The following GBE1 variants were observed in gnomAD, a reference collection of about 807,000 sequenced individuals.
The protein encoded by GBE1 is 1,4-alpha-glucan branching enzyme 1.
A neutral mutation model predicts 88.8 loss-of-function variants in GBE1; 70 were observed. The observed-to-expected ratio is 0.79, with a 90% CI of 0.65 to 0.96. GBE1 has a LOEUF of 0.96. GBE1 is among the 40% of genes least tolerant of loss of function. The pLI is 0.00. For synonymous variants in GBE1, 284 were observed against 300.1 expected (o/e 0.95, Z 0.56); for missense variants, 872 against 871.0 (o/e 1.00, Z -0.01).
chr3:81,621,243 T>C (rs1414628380), intron 7 of GBE1, among the ~76,000 whole-genome samples: 1 of 152,188 alleles, frequency 6.6e-6, no homozygotes, highest in Non-Finnish European at 1.5e-5. Context: ...GAATCAACTG[T>C]CTCTCAAGGT....
chr3:81,587,772 G>C (rs537120432), intron 9 of GBE1, among the ~76,000 whole-genome samples: 1 of 152,178 alleles, frequency 6.6e-6, no homozygotes, highest in East Asian at 1.9e-4. Context: ...GGGATTAAAA[G>C]ATAAGACATA....
In GBE1 at chr3:81,493,969, A is replaced by G. The variant is rs76762531; in HGVS notation, c.2053-3506T>C. Among the ~76,000 whole-genome samples the G allele has an allele frequency of 0.016, 2,509 of 152,166 alleles. 44 individuals carry two copies. Among genetic ancestry groups the G allele is most frequent in the East Asian group, 0.062 (320 of 5,182 alleles). ...CTAACTGATGCTGGTCTTTTTATGT[A>G]AGGAGGTTTATAATGACAGTTCCAT... is the stretch of plus-strand genomic sequence containing the variant. On this transcript the variant is annotated intron_variant, in intron 15 of 15. Transcript: ENST00000429644.
intron 14 of GBE1, among the ~76,000 whole-genome samples, chr3:81,505,042 C>A (rs184379345): frequency 5.3e-4 from 81 of 152,182 alleles, no homozygotes; most frequent in African/African-American, 1.8e-3. Flanking sequence ...AAGACATCAC[C>A]CATTTCAAGA....
At chr3:81,552,109 A>G (rs1462408300) in intron 12 of GBE1, among the ~76,000 whole-genome samples, 1 of 152,234 alleles carries the variant, frequency 6.6e-6, no homozygotes, top group East Asian at 1.9e-4. Flanking sequence ...GGCCAAACCC[A>G]TCAATCCTTT....
At chr3:81,523,394 T>G (rs896644923) in intron 14 of GBE1, among the ~76,000 whole-genome samples, 1 of 151,514 alleles carries the variant, frequency 6.6e-6, no homozygotes, top group Non-Finnish European at 1.5e-5. Flanking sequence ...GTTTATGGGG[T>G]ACCTGAGATA....
chr3:81,566,318 T>C (rs543911640), intron 12 of GBE1, among the ~76,000 whole-genome samples: 3 of 152,234 alleles, frequency 2.0e-5, no homozygotes, highest in Admixed American at 6.5e-5. Flanking sequence ...TTCTAGGTAT[T>C]TGTCATAGAC....
At chr3:81,737,343 TTATA>T (rs1441638259) in intron 1 of GBE1, among the ~76,000 whole-genome samples, 630 of 33,612 alleles carry the variant, frequency 0.019, 7 homozygotes, top group Non-Finnish European at 0.033. Context: ...TTATATATAT[TTATA>T]TAAATATATA....
chr3:81,504,466 G>GA (rs999307430), intron 14 of GBE1, among the ~76,000 whole-genome samples: 8 of 139,760 alleles, frequency 5.7e-5, no homozygotes, highest in African/African-American at 1.7e-4. Context: ...TGTTCAACTG[G>GA]AAAAAAATAC....
chr3:81,691,638 G>A (rs1308073366), intron 2 of GBE1, among the ~76,000 whole-genome samples: 2 of 151,942 alleles, frequency 1.3e-5, no homozygotes, highest in Non-Finnish European at 2.9e-5. Flanking sequence ...AATTAGTGGC[G>A]TATGATAGCA....
At chr3:81,587,299 G>C (rs748948777) in intron 9 of GBE1, among the ~76,000 whole-genome samples, 1 of 152,160 alleles carries the variant, frequency 6.6e-6, no homozygotes, top group Non-Finnish European at 1.5e-5. Context: ...TATGTGCTAA[G>C]TATTATCAAT....
chr3:81,761,406 A>G lies in GBE1; in HGVS notation c.112T>C (p.Leu38=), dbSNP rs1050660548. 4 of 1,613,074 alleles carry G rather than the reference A, an allele frequency of 2.5e-6. No homozygotes were observed. The Admixed American group carries it at 5.0e-5, about 20-fold the overall frequency. The part of the protein sequence containing the change: ...LARLLEIDPY[L]KPYAVDFQRR... ...TGGAAGTCCACGGCGTAGGGCTTCA[A>G]GTACGGGTCGATCTCCAGGAGTCTG... Residue 38 remains leucine (L), a synonymous_variant, in exon 1 of 16, where the codon TTG becomes CTG. Coordinates refer to ENST00000429644, the MANE Select transcript of GBE1 (RefSeq NM_000158.4).
At chr3:81,534,410 G>A (rs929938917) in intron 14 of GBE1, among the ~76,000 whole-genome samples, 4 of 151,884 alleles carry the variant, frequency 2.6e-5, no homozygotes, top group East Asian at 1.9e-4. Context: ...TCAGTAAATA[G>A]GTACTCAGTA....
chr3:81,565,854 G>C (rs1043561219), intron 12 of GBE1, among the ~76,000 whole-genome samples: 1 of 151,998 alleles, frequency 6.6e-6, no homozygotes. Context: ...CTATTGCCAT[G>C]ATTTTTGTTT....
At chr3:81,739,316 G>A (rs1706315964) in intron 1 of GBE1, among the ~76,000 whole-genome samples, 1 of 152,092 alleles carries the variant, frequency 6.6e-6, no homozygotes, top group Admixed American at 6.6e-5. Flanking sequence ...AGCCTACCCA[G>A]CAGTGATTTT....
In GBE1 at chr3:81,741,758, C is replaced by T. The variant is rs1405154756; in HGVS notation, c.143+19617G>A. Among the ~76,000 whole-genome samples, 9 of 148,726 alleles carry T rather than the reference C, an allele frequency of 6.1e-5. No homozygotes were observed. In the Admixed American group the frequency reaches 6.1e-4, roughly 10 times the overall value. On this transcript the variant is annotated intron_variant, in intron 1 of 15. Transcript: ENST00000429644. ...TATGATATATAAAAAGTATAATACT[C>T]TATATAATATATAACACTCTACATA...
intron 13 of GBE1, 149 bp from the exon 14 acceptor site, chr3:81,535,474 C>T: frequency 2.6e-6 from 2 of 769,054 alleles, no homozygotes; most frequent in East Asian, 5.9e-5. Flanking sequence ...TACAATTTTG[C>T]TGTACCTAAC....
intron 9 of GBE1, among the ~76,000 whole-genome samples, chr3:81,588,560 A>AT (rs1217610112): frequency 6.6e-5 from 10 of 151,608 alleles, no homozygotes; most frequent in South Asian, 2.1e-4. Context: ...CCATAGACAT[A>AT]TTTTTTTGGA....
chr3:81,513,637 GTCTT>G (rs1253022470), intron 14 of GBE1, among the ~76,000 whole-genome samples: 3 of 151,372 alleles, frequency 2.0e-5, no homozygotes, highest in Non-Finnish European at 4.4e-5. Context: ...GTACCTATTT[GTCTT>G]TCTTTTTTAT....
intron 1 of GBE1, among the ~76,000 whole-genome samples, chr3:81,706,249 A>T (rs945205639): frequency 6.6e-6 from 1 of 152,150 alleles, no homozygotes; most frequent in Non-Finnish European, 1.5e-5. Context: ...TCCCTAAAGC[A>T]ACTAAGCATG....
Sources: allele counts gnomAD v4.1 joint callset (sites outside exome capture counted in the v4.1 genomes callset), GRCh38; gene constraint gnomAD v4.1.1; transcripts MANE v1.5; gene names NCBI Gene and HGNC (gene_info 2026-07-23, HGNC 2026-07-21).